HMCN1: variants seen among roughly 807,000 people sequenced by gnomAD.
HMCN1 encodes the protein hemicentin 1.
Under a neutral mutation model 625.9 loss-of-function variants are expected in HMCN1, and 321 were observed. That is an observed-to-expected ratio of 0.51 (90% CI 0.47 to 0.56). HMCN1 has a LOEUF of 0.56. Among genes scored for constraint, HMCN1 ranks in the 20% least tolerant of loss-of-function variants. The probability of loss-of-function intolerance (pLI) is 0.00; values close to 1 mark genes in which losing one functional copy is unlikely to be tolerated. For synonymous variants in HMCN1, 2,425 were observed against 2,417.6 expected, an observed-to-expected ratio of 1.00 and a Z score of -0.09; for missense variants, 6,588 against 6,887.3, an observed-to-expected ratio of 0.96 and a Z score of 1.54.
intron 29 of HMCN1, among the ~76,000 whole-genome samples, 186 bp downstream of exon 29, chr1:186,004,030 C>T (rs1324984316): frequency 1.3e-5 from 2 of 152,194 alleles, no homozygotes; most frequent in East Asian, 3.9e-4. Flanking sequence ...CTTTTGAATT[C>T]AAAGCTCCCT....
Position 186,108,499 on chromosome 1 carries a change from A to T in HMCN1, c.10891A>T (p.Ile3631Phe). 2 of 1,614,172 alleles carry T rather than the reference A, an allele frequency of 1.2e-6. No individual in the cohort carries two copies. The highest frequency in any genetic ancestry group is 1.7e-6 in the Non-Finnish European group (2 of 1,180,004). The change falls in exon 71 of 107, where the codon ATC becomes TTC. Residue 3631 changes from isoleucine (I) to phenylalanine (F), a missense_variant. Physicochemically the swap from Ile to Phe is conservative, Grantham distance 21 (BLOSUM62 0). Around this residue, in one of 3 missense-constraint regions of HMCN1, gnomAD observed 4,628 missense variants for 4,853.1 expected, o/e 0.95. Coordinates refer to ENST00000271588, the MANE Select transcript of HMCN1 (RefSeq NM_031935.3). ...NIAGTDEPRDITVLRNRQVTL... is the reference protein window; with the variant it reads ...NIAGTDEPRDFTVLRNRQVTL... ...TGCTGGAACTGATGAGCCCCGGGAT[A>T]TCACTGTGTTACGGAACAGACAAGT...
At chr1:185,906,418 A>G (rs957824672) in intron 4 of HMCN1, among the ~76,000 whole-genome samples, 4 of 151,878 alleles carry the variant, frequency 2.6e-5, no homozygotes, top group African/African-American at 9.7e-5. Context: ...CAGTATTAAG[A>G]GTAAACCAAA....
intron 86 of HMCN1, among the ~76,000 whole-genome samples, chr1:186,132,689 G>A (rs1185496420): frequency 1.3e-5 from 2 of 151,336 alleles, no homozygotes; most frequent in Non-Finnish European, 2.9e-5. Flanking sequence ...GGGTACATGT[G>A]CACAACGTGC....
intron 1 of HMCN1, among the ~76,000 whole-genome samples, chr1:185,821,924 C>A (rs1660207449): frequency 6.7e-6 from 1 of 149,510 alleles, no homozygotes; most frequent in African/African-American, 2.5e-5. Context: ...AATAGAAGAA[C>A]CTCAAATGAA....
intron 2 of HMCN1, among the ~76,000 whole-genome samples, chr1:185,863,800 C>G (rs146990859): frequency 6.6e-6 from 1 of 152,198 alleles, no homozygotes; most frequent in African/African-American, 2.4e-5. Context: ...GAAACAGAGT[C>G]AGAGTGAAAA....
chr1:186,018,515 T>G (rs1414018669), intron 34 of HMCN1, among the ~76,000 whole-genome samples, 163 bp downstream of exon 34: 1 of 152,058 alleles, frequency 6.6e-6, no homozygotes, highest in Non-Finnish European at 1.5e-5. Flanking sequence ...TTAGTTACTT[T>G]ATTGACCCAG....
At chr1:186,066,970 A>G (rs902425438) in intron 49 of HMCN1, among the ~76,000 whole-genome samples, 7 of 152,200 alleles carry the variant, frequency 4.6e-5, no homozygotes, top group South Asian at 2.1e-4. Context: ...TCAAATTCCT[A>G]TATAGAATTG....
At chr1:185,767,750 G>C (rs1235982704) in intron 1 of HMCN1, among the ~76,000 whole-genome samples, 1 of 152,100 alleles carries the variant, frequency 6.6e-6, no homozygotes, top group Non-Finnish European at 1.5e-5. Context: ...CACACTGTTT[G>C]CCAGCAGGCA....
chr1:185,920,677 T>G (rs1035410168), intron 6 of HMCN1, among the ~76,000 whole-genome samples: 1 of 151,906 alleles, frequency 6.6e-6, no homozygotes, highest in African/African-American at 2.4e-5. Flanking sequence ...ATAATTTCTG[T>G]TTTTTTTCAC....
intron 70 of HMCN1, among the ~76,000 whole-genome samples, chr1:186,107,821 CA>C (rs1660683603): frequency 6.6e-6 from 1 of 151,964 alleles, no homozygotes; most frequent in Non-Finnish European, 1.5e-5. Flanking sequence ...AACTAATTGT[CA>C]AATTACTTCC....
chr1:185,752,243 G>A (rs1654865134), intron 1 of HMCN1, among the ~76,000 whole-genome samples: 2 of 151,914 alleles, frequency 1.3e-5, no homozygotes, highest in South Asian at 4.1e-4. Flanking sequence ...TTTCTTGACA[G>A]TTTTTTTGGG....
chr1:186,170,532 G>A (rs886764927), intron 100 of HMCN1, among the ~76,000 whole-genome samples: 4 of 152,138 alleles, frequency 2.6e-5, no homozygotes, highest in African/African-American at 9.7e-5. Flanking sequence ...CAATAGTAAA[G>A]ACATAGAACC....
chr1:185,760,243 G>T (rs952131117), intron 1 of HMCN1, among the ~76,000 whole-genome samples: 7 of 152,208 alleles, frequency 4.6e-5, no homozygotes, highest in African/African-American at 1.7e-4. Flanking sequence ...TGTAAGAATT[G>T]AGTGGTTTCG....
chr1:186,121,381 G>T (rs2102491322), intron 80 of HMCN1, among the ~76,000 whole-genome samples: 1 of 152,308 alleles, frequency 6.6e-6, no homozygotes. Context: ...GACTGGAGTT[G>T]TAGTGTGTTA....
Position 186,132,423 on chromosome 1 carries a change from T to C in HMCN1, c.13312+14T>C, listed in dbSNP as rs748495847. ...TGACTCTGCAAAGTAAGCTGCTTAA[T>C]GAAACTAATTAAACACTTGATTTAG... On this transcript the variant is annotated intron_variant, in intron 86 of 106. Coordinates refer to ENST00000271588, the MANE Select transcript of HMCN1 (RefSeq NM_031935.3). The C allele has an allele frequency of 1.3e-6, 2 of 1,584,030 alleles. No homozygotes were observed. The highest frequency in any genetic ancestry group is 8.6e-7 in the Non-Finnish European group (1 of 1,156,812).
intron 6 of HMCN1, among the ~76,000 whole-genome samples, chr1:185,920,407 T>G (rs1666945699): frequency 6.6e-6 from 1 of 152,176 alleles, no homozygotes; most frequent in Non-Finnish European, 1.5e-5. Context: ...TACAGTATAG[T>G]ATAGACACAT....
At chr1:185,912,037 A>G (rs1437657764) in intron 6 of HMCN1, among the ~76,000 whole-genome samples, 1 of 152,212 alleles carries the variant, frequency 6.6e-6, no homozygotes, top group Non-Finnish European at 1.5e-5. Flanking sequence ...TCAAATCTGT[A>G]GATTTATTTT....
At chr1:186,052,912 A>G in intron 42 of HMCN1, 40 bp from the exon 43 acceptor site, 2 of 1,525,990 alleles carry the variant, frequency 1.3e-6, no homozygotes, top group Non-Finnish European at 1.8e-6. Flanking sequence ...AGAATTCTAT[A>G]TGAAATGAGT....
chr1:185,943,673 T>C (rs923268516), intron 11 of HMCN1, among the ~76,000 whole-genome samples: 1 of 152,126 alleles, frequency 6.6e-6, no homozygotes, highest in Non-Finnish European at 1.5e-5. Context: ...CTGAAGCCCA[T>C]AGTTTAGTGT....
Sources: allele counts gnomAD v4.1 joint callset (sites outside exome capture counted in the v4.1 genomes callset), GRCh38; gene constraint gnomAD v4.1.1; regional missense constraint gnomAD v4.1.1; transcripts MANE v1.5; gene names NCBI Gene and HGNC (gene_info 2026-07-23, HGNC 2026-07-21).